Variants in DDX55 observed in about 807,000 individuals in gnomAD.
The protein encoded by DDX55 is ATP-dependent RNA helicase DDX55.
A neutral mutation model predicts 69.2 loss-of-function variants in DDX55; 56 were observed. That is an observed-to-expected ratio of 0.81 (90% confidence interval 0.65 to 1.01). The LOEUF (loss-of-function observed/expected upper bound fraction) is 1.01, where lower values mean the gene tolerates loss of function less well. DDX55 is among the 50% of genes least tolerant of loss of function. The pLI, the probability that DDX55 is intolerant of heterozygous loss-of-function variation, is 0.00. For synonymous variants in DDX55, 268 were observed against 273.1 expected, an observed-to-expected ratio of 0.98 and a Z score of 0.18; for missense variants, 720 against 745.1, an observed-to-expected ratio of 0.97 and a Z score of 0.39.
chr12:123,618,435 G>A (rs1470910530), intron 11 of DDX55: 2 of 1,263,180 alleles, frequency 1.6e-6, no homozygotes, highest in Non-Finnish European at 1.1e-6. Flanking sequence ...ACCCAGTGTT[G>A]CCATACTTTG....
chr12:123,619,088 T>A (rs1793133876), intron 12 of DDX55, among the ~76,000 whole-genome samples: 1 of 152,246 alleles, frequency 6.6e-6, no homozygotes. Flanking sequence ...CTGTAAGCTC[T>A]GCCTCCCAGG....
intron 12 of DDX55, among the ~76,000 whole-genome samples, chr12:123,619,063 C>T (rs1263641569): frequency 6.6e-6 from 1 of 152,240 alleles, no homozygotes; most frequent in Non-Finnish European, 1.5e-5. Flanking sequence ...AGCGCAGTGG[C>T]GCGATCTCGG....
chr12:123,607,738 CT>C lies in DDX55; in HGVS notation c.401+77del, dbSNP rs1201779606. On this transcript the variant is annotated intron_variant, in intron 5 of 13. Coordinates refer to ENST00000238146, the MANE Select transcript of DDX55 (RefSeq NM_020936.3). ...CTAAGAATCGATGTGTGATCTCAGC[CT>C]AACTGTGGGTCCCCCTTTCAGCAGC... 7 of 1,601,552 alleles carry C rather than the reference CT, an allele frequency of 4.4e-6. No homozygotes were observed. The African/African-American group carries it at 8.0e-5, about 18-fold the overall frequency.
Position 123,617,855 on chromosome 12 carries a change from C to T in DDX55, c.1147C>T (p.Leu383Phe). Residue 383 changes from leucine (L) to phenylalanine (F), a missense_variant, in exon 11 of 14, where the codon CTT becomes TTT. Physicochemically the swap from Leu to Phe is conservative, Grantham distance 22. Coordinates refer to ENST00000238146, the MANE Select transcript of DDX55 (RefSeq NM_020936.3). ...CATGGAAGAGTCATACATCAATTTC[C>T]TTGCAATTAACCAAAAAGTAAGCTG... ...LPMEESYINF[L>F]AINQKCPLQE... The T allele has an allele frequency of 1.2e-6, 2 of 1,614,174 alleles. No individual in the cohort carries two copies. The highest frequency in any genetic ancestry group is 2.2e-5 in the South Asian group (2 of 91,090).
rs1247930983 is a variant in DDX55 at position 123,619,766 on chromosome 12, A to G, written c.1626+42A>G. ...CTTACATTAACTTAGAATCTTGAACAAATTTATTGTAGTAGTTCTTTAAAT... is the reference window on the plus strand; with the variant it reads ...CTTACATTAACTTAGAATCTTGAACGAATTTATTGTAGTAGTTCTTTAAAT... On this transcript the variant is annotated intron_variant, in intron 13 of 13. Coordinates refer to ENST00000238146, the MANE Select transcript of DDX55 (RefSeq NM_020936.3). 4 of 1,539,238 alleles carry G rather than the reference A, an allele frequency of 2.6e-6. No homozygotes were observed. In the Admixed American group the frequency reaches 8.8e-5, roughly 34 times the overall value.
At chr12:123,606,295 G>C (rs1953888256) in intron 3 of DDX55, 136 bp downstream of exon 3, 7 of 1,041,432 alleles carry the variant, frequency 6.7e-6, no homozygotes, top group Non-Finnish European at 9.5e-6. Flanking sequence ...TTGGGAGACT[G>C]AGTCTGGAGG....
At chr12:123,606,555 G>A (rs775477089) in intron 3 of DDX55, among the ~76,000 whole-genome samples, 3 of 150,252 alleles carry the variant, frequency 2.0e-5, no homozygotes, top group African/African-American at 4.9e-5. Context: ...TGTCCTTTTC[G>A]TCATTTATTT....
intron 12 of DDX55, among the ~76,000 whole-genome samples, chr12:123,619,104 G>A (rs1309692226): frequency 6.6e-6 from 1 of 152,220 alleles, no homozygotes; most frequent in African/African-American, 2.4e-5. Context: ...CCAGGTTCAC[G>A]CCATTCTCCT....
intron 10 of DDX55, among the ~76,000 whole-genome samples, chr12:123,616,993 AATAT>A (rs1290633460): frequency 6.6e-6 from 1 of 152,198 alleles, no homozygotes; most frequent in Non-Finnish European, 1.5e-5. Flanking sequence ...CTCTACAAAA[AATAT>A]ATATACAGAT....
chr12:123,610,109 G>T lies in DDX55; in HGVS notation c.722G>T (p.Arg241Leu), dbSNP rs555685849. The T allele has an allele frequency of 6.8e-6, 11 of 1,613,576 alleles. No individual in the cohort carries two copies. The highest frequency in any genetic ancestry group is 9.3e-6 in the Non-Finnish European group (11 of 1,179,880). The change falls in exon 7 of 14, where the codon CGC becomes CTC. Residue 241 changes from arginine to leucine, a missense_variant. By Grantham distance (102) the Arg-to-Leu change is moderately radical. Coordinates refer to ENST00000238146, the MANE Select transcript of DDX55 (RefSeq NM_020936.3). ...AASSAQKTPSRLENYYMVCKA... is the reference protein window; with the variant it reads ...AASSAQKTPSLLENYYMVCKA... The stretch of plus-strand genomic sequence containing the variant: ...AGCAGTGCCCAGAAGACCCCCTCCC[G>T]CCTGGAAAACTACTACATGGTAAGC...
intron 1 of DDX55, 63 bp downstream of exon 1, chr12:123,602,319 C>A: frequency 7.0e-7 from 1 of 1,425,476 alleles, no homozygotes; most frequent in Non-Finnish European, 9.4e-7. Context: ...CTGCATCGGA[C>A]CCACAGGAGG....
chr12:123,619,366 T>C, intron 12 of DDX55, 66 bp from the exon 13 acceptor site: 6 of 1,529,906 alleles, frequency 3.9e-6, no homozygotes, highest in South Asian at 2.6e-5. Context: ...AAAATTATAT[T>C]GTAAGCCATT....
chr12:123,612,400 T>C (rs1273684074), intron 7 of DDX55, among the ~76,000 whole-genome samples: 1 of 152,144 alleles, frequency 6.6e-6, no homozygotes, highest in African/African-American at 2.4e-5. Context: ...TTGGTAAAAA[T>C]AGGATGAATG....
chr12:123,616,361 A>G, intron 9 of DDX55, 150 bp from the exon 10 acceptor site: 2 of 651,784 alleles, frequency 3.1e-6, no homozygotes, highest in Non-Finnish European at 5.2e-6. Flanking sequence ...GATTTGTAGA[A>G]AGAAGAAAAA....
Position 123,619,586 on chromosome 12 carries a change from GA to G in DDX55, c.1491del (p.Lys497AsnfsTer20), listed in dbSNP as rs1447484292. The G allele has an allele frequency of 6.2e-7, 1 of 1,613,868 alleles. No homozygotes were observed. Among genetic ancestry groups the G allele is most frequent in the African/African-American group, 1.3e-5 (1 of 74,960 alleles). ...KDKIREKQRQ[K>X]LLEQQRREKT... ...ATAAAATCAGAGAAAAGCAGAGGCA[GA>G]AACTCCTGGAGCAACAAAGAAGAGA... On this transcript the variant is annotated frameshift_variant, in exon 13 of 14. Transcript: ENST00000238146. LOFTEE classifies it high-confidence loss of function.
At chr12:123,602,362 T>C in intron 1 of DDX55, 106 bp downstream of exon 1, 1 of 1,062,172 alleles carries the variant, frequency 9.4e-7, no homozygotes, top group Non-Finnish European at 1.3e-6. Context: ...GGGGCGCTCA[T>C]CCCTCCAGCT....
intron 8 of DDX55, among the ~76,000 whole-genome samples, chr12:123,614,977 G>T (rs1011605423): frequency 3.3e-5 from 5 of 152,302 alleles, no homozygotes; most frequent in African/African-American, 9.6e-5. Flanking sequence ...AAGGGATTTT[G>T]TCAAAAGATT....
At chr12:123,618,015 GTTT>G (rs568589434) in intron 11 of DDX55, 143 bp downstream of exon 11, 1,648 of 454,170 alleles carry the variant, frequency 3.6e-3, no homozygotes, top group East Asian at 4.6e-3. Context: ...CCCTGGTGGG[GTTT>G]TTTTTTTTTT....
At chr12:123,604,760 A>G (rs1235870505) in intron 1 of DDX55, 1 of 152,236 alleles carries the variant, frequency 6.6e-6, no homozygotes, top group African/African-American at 2.4e-5. Flanking sequence ...GTTAAATAAA[A>G]TATTAAAATT....
Sources: gnomAD v4.1 joint callset for allele counts (sites outside exome capture counted in the v4.1 genomes callset) on GRCh38, gnomAD v4.1.1 for gene constraint, MANE v1.5 for transcripts, NCBI Gene and HGNC (gene_info 2026-07-23, HGNC 2026-07-21) for gene names.